Variants in USP12 observed in about 807,000 individuals in gnomAD.
USP12 encodes ubiquitin carboxyl-terminal hydrolase 12.
USP12 carries 19 observed loss-of-function variants against 45.5 expected under a neutral mutation model. The observed-to-expected ratio is 0.42, with a 90% CI of 0.29 to 0.61. The LOEUF is 0.61. USP12 is among the 20% of genes least tolerant of loss of function. The pLI is 0.22. For synonymous variants in USP12, 149 were observed against 148.8 expected (o/e 1.00, Z -0.01); for missense variants, 242 against 447.7 (o/e 0.54, Z 4.15).
chr13:27,109,927 G>A (rs1486523386), intron 2 of USP12, among the ~76,000 whole-genome samples: 27 of 59,260 alleles, frequency 4.6e-4, no homozygotes, highest in African/African-American at 6.8e-4. Context: ...AAAAAAAAAA[G>A]TCATCTTTGA....
chr13:27,089,304 T>C (rs1874206867), intron 6 of USP12: 1 of 152,372 alleles, frequency 6.6e-6, no homozygotes, highest in Admixed American at 6.5e-5. Context: ...GAAATACCTA[T>C]TAAAGTGCCG....
At chr13:27,142,135 C>A (rs1055774790) in intron 1 of USP12, among the ~76,000 whole-genome samples, 2 of 152,126 alleles carry the variant, frequency 1.3e-5, no homozygotes, top group African/African-American at 4.8e-5. Flanking sequence ...AACACACACA[C>A]AGACACACAC....
At chr13:27,083,906 C>T (rs1221587210) in intron 6 of USP12, among the ~76,000 whole-genome samples, 1 of 150,342 alleles carries the variant, frequency 6.7e-6, no homozygotes, top group East Asian at 2.0e-4. Flanking sequence ...CTCTTGTCAC[C>T]CAGGCTGGAG....
At chr13:27,094,975 CCT>C (rs1273708475) in intron 4 of USP12, among the ~76,000 whole-genome samples, 2 of 151,982 alleles carry the variant, frequency 1.3e-5, no homozygotes, top group African/African-American at 2.4e-5. Flanking sequence ...CAGTAAGACC[CCT>C]GTCTCTACAA....
chr13:27,090,719 CCTAG>C lies in USP12; in HGVS notation c.574-565_574-562del, dbSNP rs542269668. Among the ~76,000 whole-genome samples the C allele has an allele frequency of 6.1e-3, 926 of 152,230 alleles. 5 individuals are homozygous for C. Among genetic ancestry groups the C allele is most frequent in the Middle Eastern group, 0.014 (4 of 294 alleles). ...GGACAGAACTTTAGACATAAATCTT[CCTAG>C]CTATTTCCTTCAGCAAGTCCATCCT... is the stretch of plus-strand genomic sequence containing the variant. On this transcript the variant is annotated intron_variant, in intron 4 of 8. Coordinates refer to ENST00000282344, the MANE Select transcript of USP12 (RefSeq NM_182488.4).
chr13:27,076,875 G>T (rs1178003243), intron 6 of USP12, among the ~76,000 whole-genome samples: 1 of 152,110 alleles, frequency 6.6e-6, no homozygotes, highest in Non-Finnish European at 1.5e-5. Context: ...ATTAGCCAAA[G>T]TAAAGGTAAA....
intron 4 of USP12, among the ~76,000 whole-genome samples, chr13:27,093,172 C>A (rs201501770): frequency 6.6e-6 from 1 of 150,376 alleles, no homozygotes; most frequent in African/African-American, 2.4e-5. Flanking sequence ...GCAACGAGAG[C>A]GAAACTCCAT....
chr13:27,101,151 A>G (rs1874845859), intron 3 of USP12, among the ~76,000 whole-genome samples: 1 of 152,202 alleles, frequency 6.6e-6, no homozygotes, highest in Non-Finnish European at 1.5e-5. Flanking sequence ...AATAATCTTT[A>G]AACTTTTGTT....
rs1343835143 is a variant in USP12, at chr13:27,086,185, A to AT, written c.734+3697_734+3698insA. ...ATCTTTTGTCTCTTTAAAAAAAAAA[A>AT]AAAAAAAAAAAAATATATATATATA... On this transcript the variant is annotated intron_variant, in intron 6 of 8. Coordinates refer to ENST00000282344, the MANE Select transcript of USP12 (RefSeq NM_182488.4). 8.6e-3 allele frequency among the ~76,000 whole-genome samples: 503 copies of AT among 58,752 alleles called. 4 individuals are homozygous for AT. The highest frequency in any genetic ancestry group is 0.032 in the Admixed American group (171 of 5,408). 38.5% of individuals were successfully genotyped at this position (58,752 alleles called of 152,430 possible).
intron 1 of USP12, among the ~76,000 whole-genome samples, chr13:27,168,057 C>A (rs966757155): frequency 1.3e-5 from 2 of 152,224 alleles, no homozygotes; most frequent in Non-Finnish European, 1.5e-5. Context: ...GTTTACCATG[C>A]TCAGGGTGCT....
intron 3 of USP12, among the ~76,000 whole-genome samples, chr13:27,101,533 A>C (rs1874861003): frequency 6.6e-6 from 1 of 152,230 alleles, no homozygotes; most frequent in South Asian, 2.1e-4. Flanking sequence ...TGGTGAGCAA[A>C]AACAAATGGG....
In USP12 at chr13:27,086,361, G is replaced by C. The variant is rs1031875713; in HGVS notation, c.734+3522C>G. Among the ~76,000 whole-genome samples the C allele has an allele frequency of 1.1e-4, 17 of 150,180 alleles. No homozygotes were observed. The South Asian group carries it at 3.6e-3, about 32-fold the overall frequency. ...AAAATATTTTTTCATTAACATGGTT[G>C]CAATTTTTTAAGTGAAAAAGTTTCG... On this transcript the variant is annotated intron_variant, in intron 6 of 8. Coordinates refer to ENST00000282344, the MANE Select transcript of USP12 (RefSeq NM_182488.4).
chr13:27,147,762 G>GA (rs975121944), intron 1 of USP12, among the ~76,000 whole-genome samples: 26 of 148,726 alleles, frequency 1.7e-4, no homozygotes, highest in Non-Finnish European at 2.8e-4. Context: ...TCAAAGAAAG[G>GA]AAAAAAAAAA....
At chr13:27,159,929 C>T (rs1173372187) in intron 1 of USP12, among the ~76,000 whole-genome samples, 1 of 152,160 alleles carries the variant, frequency 6.6e-6, no homozygotes, top group Admixed American at 6.5e-5. Context: ...ACTATTAAAG[C>T]AACTAACATC....
At chr13:27,086,174 TAAAAA>T (rs138475761) in intron 6 of USP12, among the ~76,000 whole-genome samples, 5,361 of 72,044 alleles carry the variant, frequency 0.074, 274 homozygotes, top group Non-Finnish European at 0.1. Context: ...TTTGTCTCTT[TAAAAA>T]AAAAAAAAAA....
intron 2 of USP12, among the ~76,000 whole-genome samples, chr13:27,115,617 T>C (rs116902525): frequency 0.015 from 2,287 of 152,310 alleles, 24 homozygotes; most frequent in South Asian, 0.025. Context: ...AACAATTATA[T>C]AGCACAAGTT....
chr13:27,071,224 T>A (rs772047112), intron 7 of USP12, 75 bp from the exon 8 acceptor site: 264 of 1,316,716 alleles, frequency 2.0e-4, no homozygotes, highest in Non-Finnish European at 2.7e-4. Context: ...TTTTGTTTTA[T>A]AAAGAAACAG....
At chr13:27,120,943 G>A (rs1875954409) in intron 1 of USP12, among the ~76,000 whole-genome samples, 1 of 152,144 alleles carries the variant, frequency 6.6e-6, no homozygotes, top group South Asian at 2.1e-4. Context: ...CGAGAGATAA[G>A]CAAACACCAA....
chr13:27,147,920 T>G (rs77088886), intron 1 of USP12, among the ~76,000 whole-genome samples: 1,886 of 152,024 alleles, frequency 0.012, 49 homozygotes, highest in African/African-American at 0.042. Context: ...TGGAGCCCAG[T>G]AGTTCAAGAC....
Sources: allele counts gnomAD v4.1 joint callset (sites outside exome capture counted in the v4.1 genomes callset), GRCh38; gene constraint gnomAD v4.1.1; transcripts MANE v1.5; gene names NCBI Gene and HGNC (gene_info 2026-07-23, HGNC 2026-07-21).